The following EVI5 variants were observed in gnomAD, a reference collection of about 807,000 sequenced individuals.
EVI5 encodes ecotropic viral integration site 5.
Under a neutral mutation model 112.0 loss-of-function variants are expected in EVI5, and 73 were observed. That is an observed-to-expected ratio of 0.65 (90% confidence interval 0.54 to 0.79). EVI5 has a LOEUF of 0.79. Ranked by LOEUF, EVI5 falls within the 30% of genes least tolerant of loss-of-function variation. EVI5 has a pLI of 0.00. For synonymous variants in EVI5, 305 were observed against 319.9 expected, an observed-to-expected ratio of 0.95 and a Z score of 0.50; for missense variants, 900 against 968.8, an observed-to-expected ratio of 0.93 and a Z score of 0.94.
At chr1:92,624,660 T>G (rs1192721062) in intron 15 of EVI5, among the ~76,000 whole-genome samples, 1 of 113,412 alleles carries the variant, frequency 8.8e-6, no homozygotes. Flanking sequence ...CTGGCCAACA[T>G]GTTGAAACCC....
intron 16 of EVI5, among the ~76,000 whole-genome samples, chr1:92,620,864 A>G (rs541971731): frequency 1.4e-4 from 21 of 152,308 alleles, no homozygotes; most frequent in African/African-American, 4.8e-4. Flanking sequence ...ATTTCTATGA[A>G]AGAAAACTTT....
At chr1:92,651,553 G>A (rs1277503454) in intron 13 of EVI5, among the ~76,000 whole-genome samples, 1 of 152,208 alleles carries the variant, frequency 6.6e-6, no homozygotes, top group Non-Finnish European at 1.5e-5. Flanking sequence ...AGTTGGCAAG[G>A]ATATTAAGAA....
At position 92,513,691 on chromosome 1, in the gene EVI5, G is replaced by C. The variant is rs1166893760; in HGVS notation, c.2446C>G (p.Pro816Ala). The change falls in exon 20 of 20, where the codon CCG (proline) becomes GCG (alanine). Residue 816 changes from proline to alanine, a missense_variant. Physicochemically the swap from Pro to Ala is conservative, Grantham distance 27. Coordinates refer to ENST00000684568, the MANE Select transcript of EVI5 (RefSeq NM_001350197.2). ...SNQVVQKERPPRRRESYSTTV is the reference protein window; with the variant it reads ...SNQVVQKERPARRRESYSTTV ...GTTGAATACGACTCTCTTCTTCTCG[G>C]GGGCCGCTCCTTTTGAACCACTTGG... The C allele has an allele frequency of 1.9e-6, 3 of 1,611,348 alleles. No individual in the cohort carries two copies. The highest frequency in any genetic ancestry group is 1.3e-5 in the African/African-American group (1 of 74,584).
At chr1:92,533,617 G>C (rs1384152766) in intron 19 of EVI5, among the ~76,000 whole-genome samples, 2 of 152,236 alleles carry the variant, frequency 1.3e-5, no homozygotes, top group African/African-American at 4.8e-5. Context: ...GGGATGCAAG[G>C]CTGGTTAAAC....
At chr1:92,609,515 G>A (rs1257675335) in intron 16 of EVI5, among the ~76,000 whole-genome samples, 1 of 151,952 alleles carries the variant, frequency 6.6e-6, no homozygotes, top group Non-Finnish European at 1.5e-5. Flanking sequence ...CCACCACCAT[G>A]CCCAGCTAAT....
chr1:92,529,509 T>C (rs1662482564), intron 19 of EVI5, among the ~76,000 whole-genome samples: 1 of 152,212 alleles, frequency 6.6e-6, no homozygotes, highest in Admixed American at 6.5e-5. Flanking sequence ...TGCCTAAAAA[T>C]CTATGGGGAA....
chr1:92,615,255 C>T (rs1005585051), intron 16 of EVI5, among the ~76,000 whole-genome samples: 1 of 152,122 alleles, frequency 6.6e-6, no homozygotes, highest in Admixed American at 6.5e-5. Context: ...TGGTTGGTTG[C>T]TCCTAAGTTC....
intron 1 of EVI5, among the ~76,000 whole-genome samples, chr1:92,747,756 T>C (rs1424930758): frequency 2.0e-5 from 3 of 147,956 alleles, no homozygotes; most frequent in Admixed American, 6.8e-5. Flanking sequence ...AGAAATGTAT[T>C]GTCTCACAGT....
chr1:92,690,562 C>G (rs1669328929), intron 9 of EVI5, among the ~76,000 whole-genome samples: 2 of 151,902 alleles, frequency 1.3e-5, no homozygotes, highest in South Asian at 4.2e-4. Flanking sequence ...GTTGCCCAGG[C>G]TGGTCTTGAA....
chr1:92,725,967 A>G (rs750142425), intron 2 of EVI5, among the ~76,000 whole-genome samples: 20 of 152,182 alleles, frequency 1.3e-4, no homozygotes, highest in Non-Finnish European at 2.5e-4. Flanking sequence ...TAAAAAATAC[A>G]CTAGATGGGA....
intron 13 of EVI5, among the ~76,000 whole-genome samples, chr1:92,658,596 G>GA (rs1484822586): frequency 2.0e-5 from 3 of 151,928 alleles, no homozygotes; most frequent in African/African-American, 7.2e-5. Flanking sequence ...CCAACAAATG[G>GA]AAAAAACATT....
At chr1:92,715,330 T>C (rs1200717703) in intron 2 of EVI5, among the ~76,000 whole-genome samples, 2 of 152,130 alleles carry the variant, frequency 1.3e-5, no homozygotes, top group East Asian at 3.9e-4. Flanking sequence ...TTTTTAAAAA[T>C]ACACACACGC....
rs149701125 is a variant in EVI5 at position 92,723,209 on chromosome 1, C to A, written c.149+13189G>T. 7.4e-4 allele frequency among the ~76,000 whole-genome samples: 112 copies of A among 152,288 alleles called. 1 individual carries two copies. The highest frequency in any genetic ancestry group is 4.6e-3 in the South Asian group (22 of 4,824). ...TACTTCAATAATTACCTCAGCAGTA[C>A]ATTTTTTTAAAGCTAAGCAGAAGTA... On this transcript the variant is annotated intron_variant, in intron 2 of 19. Transcript: ENST00000684568.
intron 13 of EVI5, among the ~76,000 whole-genome samples, chr1:92,650,439 T>C (rs916217401): frequency 7.0e-6 from 1 of 142,890 alleles, no homozygotes; most frequent in African/African-American, 2.6e-5. Flanking sequence ...ATGCATTTTA[T>C]TCTTTTGGAA....
chr1:92,641,047 CA>C, intron 13 of EVI5, among the ~76,000 whole-genome samples: 1 of 152,076 alleles, frequency 6.6e-6, no homozygotes. Context: ...GGGGAGAGAA[CA>C]ACACACACCA....
chr1:92,634,584 T>C (rs978203518), intron 14 of EVI5, among the ~76,000 whole-genome samples: 1 of 152,164 alleles, frequency 6.6e-6, no homozygotes. Context: ...ATTTGTCCAA[T>C]CTTTTTTCAA....
At chr1:92,538,512 T>C (rs1031906451) in intron 19 of EVI5, among the ~76,000 whole-genome samples, 2 of 152,218 alleles carry the variant, frequency 1.3e-5, no homozygotes, top group African/African-American at 2.4e-5. Context: ...TATCATGTGT[T>C]TTTTCAGTCC....
At chr1:92,551,040 C>CCTT (rs1666835098) in intron 19 of EVI5, among the ~76,000 whole-genome samples, 1 of 80,702 alleles carries the variant, frequency 1.2e-5, no homozygotes, top group Non-Finnish European at 2.1e-5. Context: ...TTCTTTCTTT[C>CCTT]TTTTTTTTTT....
chr1:92,729,306 T>C (rs527390268), intron 2 of EVI5, among the ~76,000 whole-genome samples: 58 of 152,340 alleles, frequency 3.8e-4, no homozygotes, highest in Non-Finnish European at 5.6e-4. Flanking sequence ...TTTCAGTTGA[T>C]GACAATGAGG....
Sources: gnomAD v4.1 joint callset for allele counts (sites outside exome capture counted in the v4.1 genomes callset) on GRCh38, gnomAD v4.1.1 for gene constraint, MANE v1.5 for transcripts, NCBI Gene and HGNC (gene_info 2026-07-23, HGNC 2026-07-21) for gene names.